ERICH3: variants seen among roughly 807,000 people sequenced by gnomAD.
ERICH3 encodes the protein glutamate rich 3.
In ERICH3, 126 loss-of-function variants were observed where a neutral mutation model predicts 131.1. The ratio of observed to expected loss-of-function variants is 0.96; its 90% CI spans 0.83 to 1.11. The LOEUF (loss-of-function observed/expected upper bound fraction) is 1.11. Among genes scored for constraint, ERICH3 ranks in the 50% most tolerant of loss-of-function variants. The pLI is 0.00. For missense variants in ERICH3, 2,050 were observed against 1,810.7 expected, an observed-to-expected ratio of 1.13 and a Z score of -2.40; for synonymous variants, 695 against 644.6, an observed-to-expected ratio of 1.08 and a Z score of -1.18.
rs759110919 is a variant in ERICH3, at chr1:74,571,957, G to A, written c.3753C>T (p.Cys1251=). 6.2e-7 allele frequency: 1 copy of A among 1,613,650 alleles called. No individual in the cohort carries two copies. Among genetic ancestry groups the A allele is most frequent in the African/African-American group, 1.3e-5 (1 of 75,038 alleles). The change falls in exon 14 of 15, where the codon TGC becomes TGT. Residue 1251 remains cysteine, a synonymous_variant. Transcript: ENST00000326665. ...EELAAKDHDS[C]AGLEGRAEGQ... ...CTTCAGCTCTCCCCTCCAGTCCTGC[G>A]CAGGAGTCGTGATCTTTGGCTGCTA... is the stretch of plus-strand genomic sequence containing the variant.
intron 1 of ERICH3, among the ~76,000 whole-genome samples, chr1:74,655,723 G>A (rs1191903263): frequency 6.6e-6 from 1 of 152,106 alleles, no homozygotes; most frequent in Non-Finnish European, 1.5e-5. Flanking sequence ...ACATCTTTGA[G>A]GGCCATTCTT....
At chr1:74,599,976 T>C in intron 10 of ERICH3, 45 bp from the exon 11 acceptor site, 1 of 1,373,530 alleles carries the variant, frequency 7.3e-7, no homozygotes, top group Non-Finnish European at 1.0e-6. Context: ...ATAGAACCCC[T>C]TATACTTAAC....
intron 3 of ERICH3, among the ~76,000 whole-genome samples, chr1:74,645,430 TTA>T (rs1646473580): frequency 6.6e-6 from 1 of 151,654 alleles, no homozygotes; most frequent in Non-Finnish European, 1.5e-5. Flanking sequence ...TATGTAACAA[TTA>T]TGTTATTTAA....
At chr1:74,591,706 ACACTGAAT>A (rs564672415) in intron 11 of ERICH3, among the ~76,000 whole-genome samples, 2 of 152,192 alleles carry the variant, frequency 1.3e-5, no homozygotes, top group Non-Finnish European at 2.9e-5. Context: ...AGTACCATAC[ACACTGAAT>A]CTCAATAAGG....
At chr1:74,642,252 C>T (rs1646443752) in intron 4 of ERICH3, among the ~76,000 whole-genome samples, 1 of 152,090 alleles carries the variant, frequency 6.6e-6, no homozygotes, top group African/African-American at 2.4e-5. Flanking sequence ...CTGAGTCCAT[C>T]AGGCAAGGGT....
chr1:74,619,975 C>T (rs2100608990), intron 8 of ERICH3, among the ~76,000 whole-genome samples: 1 of 152,200 alleles, frequency 6.6e-6, no homozygotes, highest in East Asian at 1.9e-4. Flanking sequence ...AGTAAAAATT[C>T]CATGTTTGTC....
At chr1:74,587,884 C>CA (rs1166194195) in intron 12 of ERICH3, among the ~76,000 whole-genome samples, 1 of 152,132 alleles carries the variant, frequency 6.6e-6, no homozygotes, top group African/African-American at 2.4e-5. Context: ...TTATATATGA[C>CA]AAAAATCCTT....
intron 7 of ERICH3, chr1:74,622,801 G>T (rs1007433232): frequency 6.6e-6 from 1 of 152,054 alleles, no homozygotes; most frequent in Non-Finnish European, 1.5e-5. Flanking sequence ...GGAAAAGGCA[G>T]CCCTTTATCC....
At chr1:74,585,990 A>G (rs151091156) in intron 12 of ERICH3, among the ~76,000 whole-genome samples, 3 of 152,176 alleles carry the variant, frequency 2.0e-5, no homozygotes, top group Admixed American at 6.5e-5. Flanking sequence ...TGAATATTAT[A>G]CATGGTCTTT....
At position 74,651,701 on chromosome 1, in the gene ERICH3, T is replaced by C. The variant is rs184784833; in HGVS notation, c.24-2386A>G. Reference sequence around the variant, plus strand: ...TTGTCTGTTTTTCAGGCTCAAGTTTTTTCTTAAAAAAATCAATAATTTTGG... The same window carrying C: ...TTGTCTGTTTTTCAGGCTCAAGTTTCTTCTTAAAAAAATCAATAATTTTGG... On this transcript the variant is annotated intron_variant, in intron 1 of 14. Transcript: ENST00000326665. 2.4e-4 allele frequency among the ~76,000 whole-genome samples: 36 copies of C among 152,214 alleles called. No individual in the cohort carries two copies. The East Asian group carries it at 7.0e-3, about 29-fold the overall frequency.
At chr1:74,658,267 C>T (rs1361088430) in intron 1 of ERICH3, among the ~76,000 whole-genome samples, 1 of 152,166 alleles carries the variant, frequency 6.6e-6, no homozygotes, top group Non-Finnish European at 1.5e-5. Flanking sequence ...CCTCCTTTCC[C>T]ATCTTAGCTA....
At position 74,576,948 on chromosome 1, in the gene ERICH3, A is replaced by G. The variant is rs747549662; in HGVS notation, c.2177-12T>C. The G allele has an allele frequency of 3.1e-5, 49 of 1,589,304 alleles. 1 individual carries two copies. The South Asian group carries it at 4.5e-4, about 15-fold the overall frequency. On this transcript the variant is annotated splice_polypyrimidine_tract_variant and intron_variant, in intron 12 of 14. Coordinates refer to ENST00000326665, the MANE Select transcript of ERICH3 (RefSeq NM_001002912.5). The stretch of plus-strand genomic sequence containing the variant: ...CAATGAATCCTTTCCTAGTTAAAAA[A>G]AAAAAAAAGAAAAAAAAGGTCAAAT...
At chr1:74,651,924 G>T (rs1646538353) in intron 1 of ERICH3, among the ~76,000 whole-genome samples, 1 of 152,058 alleles carries the variant, frequency 6.6e-6, no homozygotes, top group Non-Finnish European at 1.5e-5. Flanking sequence ...GCTCTCTCGG[G>T]CTTCTACTAA....
At chr1:74,606,959 C>T in intron 9 of ERICH3, 57 bp from the exon 10 acceptor site, 4 of 1,472,022 alleles carry the variant, frequency 2.7e-6, no homozygotes, top group Non-Finnish European at 3.7e-6. Context: ...CACAATGGAA[C>T]CTCAAAGCTT....
At chr1:74,619,139 C>T (rs1410520564) in intron 8 of ERICH3, among the ~76,000 whole-genome samples, 3 of 152,130 alleles carry the variant, frequency 2.0e-5, no homozygotes, top group Non-Finnish European at 2.9e-5. Context: ...TGTCCAATGC[C>T]GTAACAAAAC....
chr1:74,665,502 G>A (rs1457800580), intron 1 of ERICH3, among the ~76,000 whole-genome samples: 2 of 152,182 alleles, frequency 1.3e-5, no homozygotes, highest in African/African-American at 4.8e-5. Context: ...CTACAAACAG[G>A]TTGCGTTAGT....
At chr1:74,590,774 G>T (rs529705024) in intron 11 of ERICH3, among the ~76,000 whole-genome samples, 1 of 152,128 alleles carries the variant, frequency 6.6e-6, no homozygotes, top group Non-Finnish European at 1.5e-5. Flanking sequence ...CTAAATCATT[G>T]TTAGGATAAG....
At chr1:74,582,964 C>T (rs188779248) in intron 12 of ERICH3, among the ~76,000 whole-genome samples, 1 of 152,128 alleles carries the variant, frequency 6.6e-6, no homozygotes, top group African/African-American at 2.4e-5. Context: ...TTGTTTCTTT[C>T]TTTCTCTTTT....
chr1:74,666,057 T>C (rs189453378), intron 1 of ERICH3, among the ~76,000 whole-genome samples: 1 of 151,924 alleles, frequency 6.6e-6, no homozygotes, highest in Non-Finnish European at 1.5e-5. Flanking sequence ...TTGATGACCA[T>C]CAAAAAAGGG....
Sources: gnomAD v4.1 joint callset for allele counts (sites outside exome capture counted in the v4.1 genomes callset) on GRCh38, gnomAD v4.1.1 for gene constraint, MANE v1.5 for transcripts, NCBI Gene and HGNC (gene_info 2026-07-23, HGNC 2026-07-21) for gene names.